The following PCDHGB4 variants were observed in gnomAD, a reference collection of about 807,000 sequenced individuals.
The protein encoded by PCDHGB4 is protocadherin gamma subfamily B, 4.
PCDHGB4 carries 38 observed loss-of-function variants against 60.5 expected under a neutral mutation model. That is an observed-to-expected ratio of 0.63 (90% CI 0.48 to 0.82). The LOEUF (loss-of-function observed/expected upper bound fraction) is 0.82, where lower values mean the gene tolerates loss of function less well. Ranked by LOEUF, PCDHGB4 falls within the 40% of genes least tolerant of loss-of-function variation. The pLI, the probability that PCDHGB4 is intolerant of heterozygous loss-of-function variation, is 0.00. For synonymous variants in PCDHGB4, 456 were observed against 509.7 expected (o/e 0.89, Z 1.42); for missense variants, 1,109 against 1,209.6 (o/e 0.92, Z 1.23).
At chr5:141,415,288 T>C in intron 1 of PCDHGB4, 6 of 1,614,202 alleles carry the variant, frequency 3.7e-6, no homozygotes, top group Non-Finnish European at 5.1e-6. Flanking sequence ...GGCCGCGGTC[T>C]CCTGCGTCTT....
At chr5:141,481,732 T>G (rs549671056) in intron 1 of PCDHGB4, among the ~76,000 whole-genome samples, 33 of 151,884 alleles carry the variant, frequency 2.2e-4, no homozygotes, top group Non-Finnish European at 4.3e-4. Context: ...GGCGGGCGGA[T>G]CACGAGGTCA....
rs1023591745 is a variant in PCDHGB4 at position 141,432,912 on chromosome 5, G to T, written c.2397+42631G>T. 2.5e-6 allele frequency: 4 copies of T among 1,614,160 alleles called. No individual in the cohort carries two copies. Among genetic ancestry groups the T allele is most frequent in the Non-Finnish European group, 3.4e-6 (4 of 1,180,012 alleles). On this transcript the variant is annotated intron_variant, in intron 1 of 3. Transcript: ENST00000519479. The surrounding 1 kb of genome is among the most constrained non-coding windows in gnomAD (Gnocchi z 6.0). Reference sequence around the variant, plus strand: ...TTGCTGCTGGCGCTCAGGCTGCGGCGCTGGCACAAGTCACGCCTGCTGCAG... The same window carrying T: ...TTGCTGCTGGCGCTCAGGCTGCGGCTCTGGCACAAGTCACGCCTGCTGCAG...
chr5:141,476,328 G>C lies in PCDHGB4; in HGVS notation c.2398-18479G>C, dbSNP rs1381722714. On this transcript the variant is annotated intron_variant, in intron 1 of 3. Coordinates refer to ENST00000519479, the MANE Select transcript of PCDHGB4 (RefSeq NM_003736.4). This position sits in a 1 kb window ranked among gnomAD's most constrained non-coding sequence, Gnocchi z 7.6. Reference sequence around the variant, plus strand: ...GCCCGCAGGTTCCGGGTGGTGTCTGGAGCTAGCCGAAGATTCTTTGAGGTG... The same window carrying C: ...GCCCGCAGGTTCCGGGTGGTGTCTGCAGCTAGCCGAAGATTCTTTGAGGTG... 1 of 1,614,176 alleles carries C rather than the reference G, an allele frequency of 6.2e-7. No individual in the cohort carries two copies. Among genetic ancestry groups the C allele is most frequent in the East Asian group, 2.2e-5 (1 of 44,864 alleles).
intron 1 of PCDHGB4, chr5:141,418,934 G>T (rs1163951447): frequency 6.2e-7 from 1 of 1,614,056 alleles, no homozygotes; most frequent in African/African-American, 1.3e-5. Context: ...GATTATGGAG[G>T]ATTCCCCTCC....
At chr5:141,392,649 C>T in intron 1 of PCDHGB4, 1 of 703,200 alleles carries the variant, frequency 1.4e-6, no homozygotes, top group South Asian at 2.2e-5. Flanking sequence ...CACGAAGACC[C>T]GCAGATGCCA....
intron 1 of PCDHGB4, chr5:141,410,284 G>A (rs2095374455): frequency 1.2e-6 from 2 of 1,613,990 alleles, no homozygotes; most frequent in Non-Finnish European, 1.7e-6. Flanking sequence ...ACCTGGTGGT[G>A]GCCTTGGCCT....
Position 141,431,877 on chromosome 5 carries a change from A to G in PCDHGB4, c.2397+41596A>G. On this transcript the variant is annotated intron_variant, in intron 1 of 3. Coordinates refer to ENST00000519479, the MANE Select transcript of PCDHGB4 (RefSeq NM_003736.4). The surrounding 1 kb of genome is among the most constrained non-coding windows in gnomAD (Gnocchi z 4.8). ...TTAATTGCCCTTTTAAATGTAAATG[A>G]CCAAGATTCTGAGGAAAACGGACAG... is the stretch of plus-strand genomic sequence containing the variant. 8 of 1,614,230 alleles carry G rather than the reference A, an allele frequency of 5.0e-6. No individual in the cohort carries two copies. Among genetic ancestry groups the G allele is most frequent in the Non-Finnish European group, 6.8e-6 (8 of 1,180,016 alleles).
chr5:141,428,233 C>A, intron 1 of PCDHGB4: 1 of 1,049,106 alleles, frequency 9.5e-7, no homozygotes, highest in Non-Finnish European at 1.4e-6. Context: ...AGACAGCCTG[C>A]AGGAGGCACT....
intron 1 of PCDHGB4, chr5:141,442,507 G>C (rs1394231840): frequency 1.3e-5 from 2 of 152,208 alleles, no homozygotes; most frequent in Non-Finnish European, 1.5e-5. Flanking sequence ...TATTCTAATT[G>C]CTTGGGCAGA....
chr5:141,412,569 T>C (rs1469611879), intron 1 of PCDHGB4: 3 of 152,228 alleles, frequency 2.0e-5, no homozygotes, highest in Admixed American at 6.5e-5. Flanking sequence ...GTTTATTTAA[T>C]ATAATCTTTG....
Position 141,476,301 on chromosome 5 carries a change from C to T in PCDHGB4, c.2398-18506C>T. On this transcript the variant is annotated intron_variant, in intron 1 of 3. Transcript: ENST00000519479. The surrounding 1 kb of genome is among the most constrained non-coding windows in gnomAD (Gnocchi z 7.6). ...CTTGGTTTGGATCTCGGTAGCCTCT[C>T]AGCCCGCAGGTTCCGGGTGGTGTCT... is the stretch of plus-strand genomic sequence containing the variant. The T allele has an allele frequency of 1.9e-6, 3 of 1,613,778 alleles. No homozygotes were observed. The highest frequency in any genetic ancestry group is 2.5e-6 in the Non-Finnish European group (3 of 1,179,908).
intron 1 of PCDHGB4, among the ~76,000 whole-genome samples, chr5:141,437,490 A>C (rs549866784): frequency 6.6e-6 from 1 of 152,190 alleles, no homozygotes; most frequent in African/African-American, 2.4e-5. Flanking sequence ...AATCTCGTAG[A>C]TCACTTTTCA....
chr5:141,391,821 T>G (rs2092426299), intron 1 of PCDHGB4: 1 of 152,220 alleles, frequency 6.6e-6, no homozygotes, highest in African/African-American at 2.4e-5. Flanking sequence ...GTAGGTAAAG[T>G]TAATTTTAGA....
Position 141,487,171 on chromosome 5 carries a change from G to C in PCDHGB4, c.2398-7636G>C. ...CTGTTACTCTCTTAGTGTCCTTAGA[G>C]GAAGACACTCATCCAGTTGTCCCAG... On this transcript the variant is annotated intron_variant, in intron 1 of 3. Transcript: ENST00000519479. The surrounding 1 kb of genome is among the most constrained non-coding windows in gnomAD (Gnocchi z 5.0). 1 of 1,612,938 alleles carries C rather than the reference G, an allele frequency of 6.2e-7. No individual in the cohort carries two copies. Among genetic ancestry groups the C allele is most frequent in the Non-Finnish European group, 8.5e-7 (1 of 1,178,910 alleles).
intron 1 of PCDHGB4, chr5:141,410,230 C>T (rs759582867): frequency 6.2e-7 from 1 of 1,614,006 alleles, no homozygotes; most frequent in Admixed American, 1.7e-5. Flanking sequence ...CAGACCTCAG[C>T]GACCGCCCTG....
rs1248191692 is a variant in PCDHGB4, at chr5:141,419,519, G to T, written c.2397+29238G>T. The T allele has an allele frequency of 1.9e-6, 3 of 1,612,180 alleles. No homozygotes were observed. Among genetic ancestry groups the T allele is most frequent in the Non-Finnish European group, 1.7e-6 (2 of 1,179,504 alleles). ...TGTGAGCCTGCGCGTGTTGGTGGGC[G>T]ACCGTAACGACAACGCACCGCGGGT... On this transcript the variant is annotated intron_variant, in intron 1 of 3. Coordinates refer to ENST00000519479, the MANE Select transcript of PCDHGB4 (RefSeq NM_003736.4).
intron 1 of PCDHGB4, chr5:141,408,923 G>C: frequency 6.2e-7 from 1 of 1,613,488 alleles, no homozygotes; most frequent in Non-Finnish European, 8.5e-7. Flanking sequence ...TAACCCCCCG[G>C]TTTTCAGCAG....
chr5:141,453,021 A>G (rs1008711775), intron 1 of PCDHGB4, among the ~76,000 whole-genome samples: 1 of 152,200 alleles, frequency 6.6e-6, no homozygotes, highest in Non-Finnish European at 1.5e-5. Context: ...TATGTGATTC[A>G]TTAAAATAAA....
intron 1 of PCDHGB4, chr5:141,478,600 C>T (rs762531135): frequency 6.4e-7 from 1 of 1,565,134 alleles, no homozygotes. Context: ...ATTCCTACAT[C>T]ATATTGAGGA....
Sources: gnomAD v4.1 joint callset for allele counts (sites outside exome capture counted in the v4.1 genomes callset) on GRCh38, gnomAD v4.1.1 for gene constraint, Gnocchi (gnomAD v3.1) non-coding constraint, MANE v1.5 for transcripts, NCBI Gene and HGNC (gene_info 2026-07-23, HGNC 2026-07-21) for gene names.